CFAP54: variants seen among roughly 807,000 people sequenced by gnomAD.
CFAP54 encodes the protein cilia- and flagella-associated protein 54.
CFAP54 carries 290 observed loss-of-function variants against 370.4 expected under a neutral mutation model. The ratio of observed to expected loss-of-function variants is 0.78; its 90% CI spans 0.71 to 0.86. The LOEUF is 0.86. CFAP54 is among the 40% of genes least tolerant of loss of function. CFAP54 has a pLI of 0.00. For missense variants in CFAP54, 3,399 were observed against 3,528.7 expected (o/e 0.96, Z 0.93); for synonymous variants, 1,206 against 1,236.5 (o/e 0.98, Z 0.52).
At chr12:96,852,174 A>C (rs1592810831) in intron 66 of CFAP54, among the ~76,000 whole-genome samples, 1 of 152,148 alleles carries the variant, frequency 6.6e-6, no homozygotes, top group East Asian at 1.9e-4. Flanking sequence ...TAAAAGGAAC[A>C]AAGTGGAGGG....
rs1957249306 is a variant in CFAP54, at chr12:96,679,665, A to G, written c.5629A>G (p.Arg1877Gly). 1 of 1,614,010 alleles carries G rather than the reference A, an allele frequency of 6.2e-7. No individual in the cohort carries two copies. Among genetic ancestry groups the G allele is most frequent in the Non-Finnish European group, 8.5e-7 (1 of 1,179,916 alleles). Residue 1877 changes from arginine to glycine, a missense_variant, in exon 40 of 68, where the codon AGA becomes GGA. Physicochemically the swap from Arg to Gly is moderately radical, Grantham distance 125. Around this residue, in one of 3 missense-constraint regions of CFAP54, gnomAD observed 2,796 missense variants for 2,869.7 expected, o/e 0.97. Coordinates refer to ENST00000524981, the MANE Select transcript of CFAP54 (RefSeq NM_001306084.2). ...CGTGACAGACACCTTGAGGTGTTTT[A>G]GAGAGACACTGGAAAAATCCAAATA... is the stretch of plus-strand genomic sequence containing the variant. ...VDVTDTLRCFRETLEKSKYHN... is the reference protein window; with the variant it reads ...VDVTDTLRCFGETLEKSKYHN...
intron 36 of CFAP54, among the ~76,000 whole-genome samples, chr12:96,654,986 A>G (rs971989489): frequency 7.2e-5 from 11 of 152,024 alleles, no homozygotes; most frequent in Non-Finnish European, 2.9e-5. Context: ...ATGAATTGAA[A>G]TTCATTTTAA....
intron 60 of CFAP54, among the ~76,000 whole-genome samples, chr12:96,771,454 C>G (rs1172254396): frequency 1.3e-5 from 2 of 152,198 alleles, no homozygotes; most frequent in East Asian, 1.9e-4. Flanking sequence ...AGATGGAGAC[C>G]ATCCTGGCTA....
At chr12:96,874,990 C>G (rs1960271378) in intron 67 of CFAP54, 128 bp from the exon 68 acceptor site, 1 of 152,190 alleles carries the variant, frequency 6.6e-6, no homozygotes, top group South Asian at 2.1e-4. Flanking sequence ...ATGGTTTGGT[C>G]AGGTCTGTTG....
intron 63 of CFAP54, among the ~76,000 whole-genome samples, chr12:96,810,472 G>T (rs929861008): frequency 2.0e-5 from 3 of 151,948 alleles, no homozygotes; most frequent in Non-Finnish European, 4.4e-5. Flanking sequence ...CTAAAGATTT[G>T]GGTCTAATAA....
At chr12:96,583,983 T>C (rs935862905) in intron 22 of CFAP54, among the ~76,000 whole-genome samples, 1 of 152,192 alleles carries the variant, frequency 6.6e-6, no homozygotes, top group Non-Finnish European at 1.5e-5. Flanking sequence ...TCATGATCTG[T>C]ATTGGCAGTA....
At chr12:96,596,030 G>C (rs1444833871) in intron 25 of CFAP54, among the ~76,000 whole-genome samples, 1 of 152,118 alleles carries the variant, frequency 6.6e-6, no homozygotes. Flanking sequence ...TTTGAGGAAT[G>C]TCCAGAAAGT....
At chr12:96,704,494 ATATATATTT>A (rs1957527020) in intron 46 of CFAP54, among the ~76,000 whole-genome samples, 1 of 118,868 alleles carries the variant, frequency 8.4e-6, no homozygotes, top group Non-Finnish European at 1.8e-5. Flanking sequence ...ATATATATAT[ATATATATTT>A]AAAATACATC....
intron 25 of CFAP54, among the ~76,000 whole-genome samples, chr12:96,598,383 G>A (rs777860833): frequency 2.6e-5 from 4 of 151,818 alleles, no homozygotes; most frequent in Non-Finnish European, 5.9e-5. Context: ...ATCAAAATAT[G>A]CTTTGTTTTA....
At chr12:96,573,584 G>A (rs1256865202) in intron 19 of CFAP54, among the ~76,000 whole-genome samples, 1 of 152,136 alleles carries the variant, frequency 6.6e-6, no homozygotes, top group Non-Finnish European at 1.5e-5. Flanking sequence ...CTCTTTTACG[G>A]CCTTTTATGA....
chr12:96,721,923 C>A (rs538320785), intron 50 of CFAP54, among the ~76,000 whole-genome samples: 2 of 152,136 alleles, frequency 1.3e-5, no homozygotes, highest in Non-Finnish European at 2.9e-5. Context: ...GGACGAGTTA[C>A]CATTTTAAAA....
chr12:96,646,481 C>G (rs559568162), intron 33 of CFAP54: 1 of 152,150 alleles, frequency 6.6e-6, no homozygotes, highest in Non-Finnish European at 1.5e-5. Context: ...GAAATAGGAA[C>G]ACTTTTACAC....
At chr12:96,630,490 A>C in intron 31 of CFAP54, 61 bp from the exon 32 acceptor site, 1 of 877,238 alleles carries the variant, frequency 1.1e-6, no homozygotes, top group Non-Finnish European at 1.6e-6. Context: ...AGTATGAATA[A>C]ATTATACTAC....
chr12:96,706,786 GTA>G (rs142209027), intron 47 of CFAP54, among the ~76,000 whole-genome samples: 6,015 of 150,534 alleles, frequency 0.04, 219 homozygotes, highest in South Asian at 0.19. Flanking sequence ...CATTGTGTGT[GTA>G]TGTGTGTGTG....
chr12:96,621,565 ATAATTAATAAATATTT>A lies in CFAP54; in HGVS notation c.3640-21_3640-6del. 7.1e-7 allele frequency: 1 copy of A among 1,402,020 alleles called. No homozygotes were observed. The highest frequency in any genetic ancestry group is 9.5e-7 in the Non-Finnish European group (1 of 1,053,280). 86.8% of individuals were successfully genotyped at this position (1,402,020 alleles called of 1,614,324 possible). ...AAATAGACAAGAATGTCCAACAGAGATAATTAATAAATATTTTAAATTAGATTCTTCGTTCATGGAG... is the reference window on the plus strand; with the variant it reads ...AAATAGACAAGAATGTCCAACAGAGATAAATTAGATTCTTCGTTCATGGAG... On this transcript the variant is annotated splice_polypyrimidine_tract_variant and intron_variant, in intron 26 of 67. Coordinates refer to ENST00000524981, the MANE Select transcript of CFAP54 (RefSeq NM_001306084.2).
intron 50 of CFAP54, among the ~76,000 whole-genome samples, chr12:96,728,002 G>GC (rs1207527687): frequency 1.3e-5 from 2 of 151,640 alleles, no homozygotes; most frequent in South Asian, 2.1e-4. Flanking sequence ...TTGAATATTG[G>GC]CCCCCACTCT....
intron 3 of CFAP54, among the ~76,000 whole-genome samples, 184 bp from the exon 4 acceptor site, chr12:96,506,744 G>T (rs1273013378): frequency 6.6e-6 from 1 of 151,674 alleles, no homozygotes; most frequent in Non-Finnish European, 1.5e-5. Context: ...GTGCCACCAC[G>T]CCCAGCTAAT....
chr12:96,776,747 A>G (rs1958521687), intron 60 of CFAP54, among the ~76,000 whole-genome samples: 1 of 152,228 alleles, frequency 6.6e-6, no homozygotes, highest in Non-Finnish European at 1.5e-5. Context: ...GTTATATCAA[A>G]ATACATTAGT....
In CFAP54 at chr12:96,515,901, A is replaced by G. The variant is rs543720765; in HGVS notation, c.798+2857A>G. Among the ~76,000 whole-genome samples the G allele has an allele frequency of 1.6e-4, 22 of 140,882 alleles. No individual in the cohort carries two copies. The East Asian group carries it at 4.3e-3, about 28-fold the overall frequency. 92.4% of individuals were successfully genotyped at this position (140,882 alleles called of 152,430 possible). A position where few individuals can be genotyped will look rare whatever the true frequency, so the allele number is the denominator to read the frequency against. ...CCACCACTTTGAGAAAGGTGCTGTC[A>G]TTACCTCTATGTTTTTTTTTTTTTT... On this transcript the variant is annotated intron_variant, in intron 5 of 67. Coordinates refer to ENST00000524981, the MANE Select transcript of CFAP54 (RefSeq NM_001306084.2).
Sources: allele counts gnomAD v4.1 joint callset (sites outside exome capture counted in the v4.1 genomes callset), GRCh38; gene constraint gnomAD v4.1.1; regional missense constraint gnomAD v4.1.1; transcripts MANE v1.5; gene names NCBI Gene and HGNC (gene_info 2026-07-23, HGNC 2026-07-21).